Variants in PIK3CD observed in about 807,000 individuals in gnomAD.
PIK3CD encodes the protein phosphatidylinositol-4,5-bisphosphate 3-kinase catalytic subunit delta.
Under a neutral mutation model 122.9 loss-of-function variants are expected in PIK3CD, and 20 were observed. The observed-to-expected ratio is 0.16, with a 90% CI of 0.11 to 0.24. PIK3CD has a LOEUF of 0.24. PIK3CD is among the 10% of genes least tolerant of loss of function. The pLI is 1.00. For missense variants in PIK3CD, 787 were observed against 1,406.3 expected (o/e 0.56, Z 7.04); for synonymous variants, 596 against 593.4 (o/e 1.00, Z -0.06).
At chr1:9,660,264 C>G (rs1246305454) in intron 1 of PIK3CD, among the ~76,000 whole-genome samples, 3 of 152,252 alleles carry the variant, frequency 2.0e-5, no homozygotes, top group Non-Finnish European at 4.4e-5. Flanking sequence ...GTTGCTCCCA[C>G]TCTATGGCTT....
intron 3 of PIK3CD, among the ~76,000 whole-genome samples, chr1:9,714,069 C>T (rs747521145): frequency 9.9e-5 from 15 of 151,952 alleles, no homozygotes; most frequent in Non-Finnish European, 1.6e-4. Flanking sequence ...CCAGGCTGGC[C>T]GTGAACTCCT....
At chr1:9,664,804 A>G (rs1014195318) in intron 1 of PIK3CD, among the ~76,000 whole-genome samples, 4 of 152,156 alleles carry the variant, frequency 2.6e-5, no homozygotes, top group African/African-American at 9.7e-5. Context: ...CATCGTGTAT[A>G]AATGATTTCT....
upstream of PIK3CD, among the ~76,000 whole-genome samples, chr1:9,648,007 CTTAAG>C (rs1644623393): frequency 1.3e-5 from 2 of 152,300 alleles, no homozygotes; most frequent in African/African-American, 4.8e-5. Flanking sequence ...TGTATATACT[CTTAAG>C]TTAATTAGTT....
the PIK3CD span, among the ~76,000 whole-genome samples, chr1:9,634,620 G>A: frequency 6.6e-6 from 1 of 152,152 alleles, no homozygotes; most frequent in African/African-American, 2.4e-5. Flanking sequence ...TAACACTTCA[G>A]CCTTTGAGTC....
At chr1:9,639,417 A>G in the PIK3CD span, among the ~76,000 whole-genome samples, 1 of 152,078 alleles carries the variant, frequency 6.6e-6, no homozygotes, top group African/African-American at 2.4e-5. Flanking sequence ...AGGGTAACCT[A>G]TTTGCAAAGC....
chr1:9,696,164 G>T (rs552999511), intron 2 of PIK3CD, among the ~76,000 whole-genome samples: 51 of 151,880 alleles, frequency 3.4e-4, no homozygotes, highest in Non-Finnish European at 7.1e-4. Flanking sequence ...TAGAGATAGG[G>T]TTTTGCCATG....
intron 1 of PIK3CD, chr1:9,688,086 C>T (rs1011617249): frequency 3.3e-5 from 5 of 152,272 alleles, no homozygotes; most frequent in African/African-American, 7.2e-5. Flanking sequence ...TCGAGATTCT[C>T]GAGGGCTTCC....
chr1:9,717,127 C>T lies in PIK3CD; in HGVS notation c.930+19C>T, dbSNP rs770920709. On this transcript the variant is annotated intron_variant, in intron 7 of 23. Coordinates refer to ENST00000377346, the MANE Select transcript of PIK3CD (RefSeq NM_005026.5). This position sits in a 1 kb window ranked among gnomAD's most constrained non-coding sequence, Gnocchi z 5.4. ...GAAGAAGGTGAGATGGCGCCTTCCG[C>T]CTCCCCTCTGAGCCACCCCTTCTTT... 2.5e-6 allele frequency: 4 copies of T among 1,613,720 alleles called. No homozygotes were observed. The South Asian group carries it at 3.3e-5, about 13-fold the overall frequency.
chr1:9,641,113 CCTTA>C, the PIK3CD span, among the ~76,000 whole-genome samples: 4 of 152,188 alleles, frequency 2.6e-5, no homozygotes, highest in African/African-American at 9.7e-5. Context: ...AGTTTCTCTT[CCTTA>C]CTGAGTATAA....
At chr1:9,658,189 C>T (rs528951515) in intron 1 of PIK3CD, among the ~76,000 whole-genome samples, 10 of 151,860 alleles carry the variant, frequency 6.6e-5, no homozygotes, top group African/African-American at 1.5e-4. Context: ...TTGAGACCAG[C>T]CTGGGCAACA....
chr1:9,665,592 T>C (rs1645135757), intron 1 of PIK3CD, among the ~76,000 whole-genome samples: 1 of 151,874 alleles, frequency 6.6e-6, no homozygotes, highest in East Asian at 1.9e-4. Context: ...GTCCAATTAA[T>C]ACTGCTTGAG....
chr1:9,717,740 C>A lies in PIK3CD; in HGVS notation c.1020+114C>A. ...GGATCACATGAAAGCCACCTGACCA[C>A]ATTACCCAGCATCCCTGCCTGGGGC... is the stretch of plus-strand genomic sequence containing the variant. On this transcript the variant is annotated intron_variant, in intron 8 of 23. Transcript: ENST00000377346. The surrounding 1 kb of genome is among the most constrained non-coding windows in gnomAD (Gnocchi z 5.4). The A allele has an allele frequency of 1.1e-6, 1 of 930,892 alleles. No homozygotes were observed. The highest frequency in any genetic ancestry group is 1.7e-6 in the Non-Finnish European group (1 of 585,556). 57.7% of individuals were successfully genotyped at this position (930,892 alleles called of 1,614,324 possible).
chr1:9,723,434 G>C lies in PIK3CD; in HGVS notation c.2594+142G>C. On this transcript the variant is annotated intron_variant, in intron 20 of 23. Transcript: ENST00000377346. This position sits in a 1 kb window ranked among gnomAD's most constrained non-coding sequence, Gnocchi z 4.9. The stretch of plus-strand genomic sequence containing the variant: ...TTGGCTCAGTTGAGGACCAGCCTGT[G>C]TCTGGGTTGGGGTGAGGTAGGTCTC... 1 of 856,074 alleles carries C rather than the reference G, an allele frequency of 1.2e-6. No homozygotes were observed. Among genetic ancestry groups the C allele is most frequent in the African/African-American group, 1.7e-5 (1 of 59,942 alleles). The allele number at this position is 856,074 out of a possible 1,614,324, so 53.0% of individuals were successfully genotyped here. A position where few individuals can be genotyped will look rare whatever the true frequency, so the allele number is the denominator to read the frequency against.
chr1:9,723,342 G>T lies in PIK3CD; in HGVS notation c.2594+50G>T, dbSNP rs771862204. On this transcript the variant is annotated intron_variant, in intron 20 of 23. Transcript: ENST00000377346. The surrounding 1 kb of genome is among the most constrained non-coding windows in gnomAD (Gnocchi z 4.9). ...TTCCCTCTCCTTTCCAAGAGGTGTG[G>T]AGTGGGAGGGCCTCGCCTGTCAGAA... 28 of 1,582,848 alleles carry T rather than the reference G, an allele frequency of 1.8e-5. No individual in the cohort carries two copies. Among genetic ancestry groups the T allele is most frequent in the Non-Finnish European group, 2.3e-5 (27 of 1,152,160 alleles).
upstream of PIK3CD, among the ~76,000 whole-genome samples, chr1:9,651,158 T>G (rs1020101762): frequency 6.6e-6 from 1 of 152,200 alleles, no homozygotes; most frequent in Non-Finnish European, 1.5e-5. Flanking sequence ...AGATTTTCTT[T>G]ATAGATAGAA....
chr1:9,669,000 C>G (rs1450298854), intron 1 of PIK3CD, among the ~76,000 whole-genome samples: 3 of 152,122 alleles, frequency 2.0e-5, no homozygotes, highest in Non-Finnish European at 4.4e-5. Flanking sequence ...CAGAATTTGT[C>G]TTGGTGACTG....
chr1:9,640,532 C>G, the PIK3CD span, among the ~76,000 whole-genome samples: 1 of 151,548 alleles, frequency 6.6e-6, no homozygotes, highest in Non-Finnish European at 1.5e-5. Flanking sequence ...TGAGCCGAGA[C>G]TGTGCCATTG....
chr1:9,663,199 G>A (rs531010178), intron 1 of PIK3CD, among the ~76,000 whole-genome samples: 2 of 152,264 alleles, frequency 1.3e-5, no homozygotes, highest in East Asian at 3.9e-4. Context: ...CCAAGTCAGC[G>A]TCTATTCAAG....
rs1344928193 is a variant in PIK3CD at position 9,700,710 on chromosome 1, T to C, written c.-33+9139T>C. On this transcript the variant is annotated intron_variant, in intron 2 of 23. Coordinates refer to ENST00000377346, the MANE Select transcript of PIK3CD (RefSeq NM_005026.5). The surrounding 1 kb of genome is among the most constrained non-coding windows in gnomAD (Gnocchi z 5.1). Reference sequence around the variant, plus strand: ...CCCTCCCACCTGGGGAGTTTGCCCCTGGCGGTCTTTACGTGGCTATTCATT... The same window carrying C: ...CCCTCCCACCTGGGGAGTTTGCCCCCGGCGGTCTTTACGTGGCTATTCATT... 6.6e-6 allele frequency among the ~76,000 whole-genome samples: 1 copy of C among 152,158 alleles called. No homozygotes were observed. The highest frequency in any genetic ancestry group is 2.4e-5 in the African/African-American group (1 of 41,438).
Sources: gnomAD v4.1 joint callset for allele counts (sites outside exome capture counted in the v4.1 genomes callset) on GRCh38, gnomAD v4.1.1 for gene constraint, Gnocchi (gnomAD v3.1) non-coding constraint, MANE v1.5 for transcripts, NCBI Gene and HGNC (gene_info 2026-07-23, HGNC 2026-07-21) for gene names.